INSR: variants seen among roughly 807,000 people sequenced by gnomAD.
INSR encodes insulin receptor.
INSR carries 67 observed loss-of-function variants against 142.6 expected under a neutral mutation model. That is an observed-to-expected ratio of 0.47 (90% CI 0.39 to 0.58). INSR has a LOEUF of 0.58. Ranked by LOEUF, INSR falls within the 20% of genes least tolerant of loss-of-function variation. The pLI is 0.00. For synonymous variants in INSR, 756 were observed against 743.1 expected (o/e 1.02, Z -0.28); for missense variants, 1,248 against 1,833.2 (o/e 0.68, Z 5.83).
At chr19:7,128,372 C>T (rs1405528361) in intron 15 of INSR, among the ~76,000 whole-genome samples, 4 of 151,734 alleles carry the variant, frequency 2.6e-5, no homozygotes, top group African/African-American at 4.8e-5. Flanking sequence ...CCACCATGCC[C>T]GGTTAATTTT....
intron 2 of INSR, among the ~76,000 whole-genome samples, chr19:7,244,077 TA>T (rs1976450269): frequency 6.6e-6 from 1 of 152,142 alleles, no homozygotes; most frequent in Non-Finnish European, 1.5e-5. Context: ...TAAAACAATT[TA>T]AAAACCTACC....
intron 9 of INSR, among the ~76,000 whole-genome samples, chr19:7,160,097 G>A (rs958842789): frequency 9.2e-5 from 14 of 151,844 alleles, no homozygotes; most frequent in African/African-American, 2.4e-4. Context: ...TCAGGAGTTC[G>A]AGACCACCCT....
Position 7,293,883 on chromosome 19 carries a change from G to A in INSR, c.9C>T (p.Thr3=), listed in dbSNP as rs1388171175. 1.6e-6 allele frequency: 2 copies of A among 1,232,360 alleles called. No individual in the cohort carries two copies. Among genetic ancestry groups the A allele is most frequent in the East Asian group, 3.5e-5 (1 of 28,574 alleles). The allele number at this position is 1,232,360 out of a possible 1,614,324, so 76.3% of individuals were successfully genotyped here. ...CGGCCGCCGCCCCCCGCCGGCCCCC[G>A]GTGGCCATGGCTGCGGGAGCGCGGG... MA[T]GGRRGAAAAP... is the part of the protein sequence containing the mutation. The change falls in exon 1 of 22, where the codon ACC becomes ACT. Residue 3 remains threonine, a synonymous_variant. Coordinates refer to ENST00000302850, the MANE Select transcript of INSR (RefSeq NM_000208.4).
At chr19:7,133,183 G>A (rs1358497893) in intron 13 of INSR, among the ~76,000 whole-genome samples, 11 of 152,120 alleles carry the variant, frequency 7.2e-5, no homozygotes, top group Non-Finnish European at 1.6e-4. Context: ...AATCACTTGA[G>A]CCCAGGAGGT....
rs967160068 is a variant in INSR, at chr19:7,216,996, C to A, written c.653-32359G>T. Among the ~76,000 whole-genome samples, 1 of 19,054 alleles carries A rather than the reference C, an allele frequency of 5.2e-5. No individual in the cohort carries two copies. The highest frequency in any genetic ancestry group is 4.8e-4 in the African/African-American group (1 of 2,068). 12.5% of individuals were successfully genotyped at this position (19,054 alleles called of 152,430 possible). On this transcript the variant is annotated intron_variant, in intron 2 of 21. Coordinates refer to ENST00000302850, the MANE Select transcript of INSR (RefSeq NM_000208.4). The surrounding 1 kb of genome is among the most constrained non-coding windows in gnomAD (Gnocchi z 4.2). The stretch of plus-strand genomic sequence containing the variant: ...CCAGCTAATTTTTCTTCTTCTTCTT[C>A]TTCTTTTTTTTTTTTTTGTAGAGAT...
chr19:7,289,014 G>A lies in INSR; in HGVS notation c.100+4778C>T, dbSNP rs1454741652. Among the ~76,000 whole-genome samples, 6 of 150,950 alleles carry A rather than the reference G, an allele frequency of 4.0e-5. No homozygotes were observed. The East Asian group carries it at 7.7e-4, about 19-fold the overall frequency. On this transcript the variant is annotated intron_variant, in intron 1 of 21. Coordinates refer to ENST00000302850, the MANE Select transcript of INSR (RefSeq NM_000208.4). Reference sequence around the variant, plus strand: ...AAAGGAAACACTGACCCTCTGGGAAGAGAGAGCCAACATCTTAGCCCAGGT... The same window carrying A: ...AAAGGAAACACTGACCCTCTGGGAAAAGAGAGCCAACATCTTAGCCCAGGT...
At chr19:7,140,244 A>G (rs563610154) in intron 13 of INSR, among the ~76,000 whole-genome samples, 1 of 152,330 alleles carries the variant, frequency 6.6e-6, no homozygotes, top group East Asian at 1.9e-4. Context: ...ACTCCCTCTC[A>G]AAGTTCCAGG....
At chr19:7,274,946 C>A (rs971819812) in intron 1 of INSR, among the ~76,000 whole-genome samples, 1 of 150,782 alleles carries the variant, frequency 6.6e-6, no homozygotes, top group African/African-American at 2.4e-5. Context: ...GGAAAGAATT[C>A]GAGGGTGAGC....
At chr19:7,285,642 T>C (rs1201468392) in intron 1 of INSR, among the ~76,000 whole-genome samples, 2 of 151,908 alleles carry the variant, frequency 1.3e-5, no homozygotes, top group Admixed American at 1.3e-4. Flanking sequence ...CCTCTCAAAA[T>C]AAAAATTTAA....
At chr19:7,279,422 C>T (rs2145233487) in intron 1 of INSR, among the ~76,000 whole-genome samples, 1 of 151,470 alleles carries the variant, frequency 6.6e-6, no homozygotes, top group African/African-American at 2.4e-5. Flanking sequence ...AACAGGACTT[C>T]ATACCCAGGA....
Position 7,163,201 on chromosome 19 carries a change from TG to T in INSR, c.1862-3del. 1 of 1,612,430 alleles carries T rather than the reference TG, an allele frequency of 6.2e-7. No individual in the cohort carries two copies. Among genetic ancestry groups the T allele is most frequent in the Non-Finnish European group, 8.5e-7 (1 of 1,178,780 alleles). On this transcript the variant is annotated splice_region_variant and splice_polypyrimidine_tract_variant and intron_variant, in intron 8 of 21. Transcript: ENST00000302850. ...TTGGATCCAGGGGCACAGAGGGGTC[TG>T]TCAGGGAGAAAGGAAATGGGTCCAT...
At chr19:7,229,004 T>C (rs11880756) in intron 2 of INSR, among the ~76,000 whole-genome samples, 3,757 of 150,328 alleles carry the variant, frequency 0.025, 91 homozygotes, top group Non-Finnish European at 0.036. Flanking sequence ...GATGGATGGA[T>C]GGACGTCTGG....
At chr19:7,215,041 C>T (rs1335311318) in intron 2 of INSR, among the ~76,000 whole-genome samples, 2 of 151,878 alleles carry the variant, frequency 1.3e-5, no homozygotes, top group African/African-American at 2.4e-5. Context: ...ACTACAGCCT[C>T]GACCCCTGGG....
In INSR at chr19:7,184,630, C is replaced by A; in HGVS notation, c.660G>T (p.Pro220=). 1.9e-6 allele frequency: 3 copies of A among 1,598,672 alleles called. No homozygotes were observed. In the South Asian group the frequency reaches 3.3e-5, roughly 18 times the overall value. Residue 220 remains proline (P), a synonymous_variant, in exon 3 of 22, where the codon CCG becomes CCT. Transcript: ENST00000302850. ...TGCAGCCGTGTGACTTACAGATGGT[C>A]GGGCAAACTGGAGAGAGAGAGAGAG... ...WTHSHCQKVC[P]TICKSHGCTA...
chr19:7,230,633 C>T (rs1187525270), intron 2 of INSR, among the ~76,000 whole-genome samples: 1 of 152,024 alleles, frequency 6.6e-6, no homozygotes, highest in African/African-American at 2.4e-5. Context: ...ATGGTGAAAC[C>T]CCATCTCGAC....
chr19:7,163,220 G>A (rs1241762967), intron 8 of INSR, 21 bp from the exon 9 acceptor site: 2 of 1,601,798 alleles, frequency 1.2e-6, no homozygotes, highest in Non-Finnish European at 1.7e-6. Context: ...GAAAGGAAAT[G>A]GGTCCATCAT....
chr19:7,152,584 AC>A lies in INSR; in HGVS notation c.2231+141del, dbSNP rs201543351. ...TCGAAACTGCAAGATCTCTTCCTCC[AC>A]CCAGGAAAGGGCTCCATTCAGACTC... On this transcript the variant is annotated intron_variant, in intron 10 of 21. Coordinates refer to ENST00000302850, the MANE Select transcript of INSR (RefSeq NM_000208.4). 2.3e-4 allele frequency: 177 copies of A among 783,682 alleles called. No homozygotes were observed. The East Asian group carries it at 4.1e-3, about 18-fold the overall frequency. The allele number at this position is 783,682 out of a possible 1,614,324, so 48.5% of individuals were successfully genotyped here. A position where few individuals can be genotyped will look rare whatever the true frequency, so the allele number is the denominator to read the frequency against.
In INSR at chr19:7,125,439, G is replaced by A. The variant is rs143521418; in HGVS notation, c.3102C>T (p.Phe1034=). Residue 1034 remains phenylalanine (F), a synonymous_variant, in exon 17 of 22, where the codon TTC becomes TTT. Transcript: ENST00000302850. This position sits in a 1 kb window ranked among gnomAD's most constrained non-coding sequence, Gnocchi z 4.9. ...TGGCATTGCCCTCATACACCATGCC[G>A]AAGGAGCCCTGCCCCAGCTCTCGAA... is the stretch of plus-strand genomic sequence containing the variant. ...TLLRELGQGS[F]GMVYEGNARD... 42 of 1,613,984 alleles carry A rather than the reference G, an allele frequency of 2.6e-5. No homozygotes were observed. In the African/African-American group the frequency reaches 3.1e-4, roughly 12 times the overall value.
At chr19:7,261,723 G>T (rs1331127835) in intron 2 of INSR, among the ~76,000 whole-genome samples, 1 of 151,962 alleles carries the variant, frequency 6.6e-6, no homozygotes, top group African/African-American at 2.4e-5. Context: ...TAGAGACAGC[G>T]TTTTGCTATG....
Sources: allele counts gnomAD v4.1 joint callset (sites outside exome capture counted in the v4.1 genomes callset), GRCh38; gene constraint gnomAD v4.1.1; non-coding constraint Gnocchi (gnomAD v3.1); transcripts MANE v1.5; gene names NCBI Gene and HGNC (gene_info 2026-07-23, HGNC 2026-07-21).